ADAM19: variants seen among roughly 807,000 people sequenced by gnomAD.
ADAM19 encodes the protein disintegrin and metalloproteinase domain-containing protein 19.
Under a neutral mutation model 114.7 loss-of-function variants are expected in ADAM19, and 65 were observed. The observed-to-expected ratio is 0.57, with a 90% CI of 0.46 to 0.70. The LOEUF (loss-of-function observed/expected upper bound fraction) is 0.70, where lower values mean the gene tolerates loss of function less well. Among genes scored for constraint, ADAM19 ranks in the 30% least tolerant of loss-of-function variants. ADAM19 has a pLI of 0.00. For synonymous variants in ADAM19, 466 were observed against 460.5 expected (o/e 1.01, Z -0.15); for missense variants, 1,063 against 1,204.7 (o/e 0.88, Z 1.74).
intron 2 of ADAM19, among the ~76,000 whole-genome samples, chr5:157,564,699 C>T (rs542376488): frequency 1.8e-4 from 27 of 152,266 alleles, no homozygotes; most frequent in African/African-American, 6.5e-4. Flanking sequence ...GTATGTGGTG[C>T]GGTGAAGGGA....
intron 16 of ADAM19, 33 bp downstream of exon 16, chr5:157,492,940 C>G: frequency 6.2e-7 from 1 of 1,610,038 alleles, no homozygotes; most frequent in Non-Finnish European, 8.5e-7. Context: ...TGCTCTGCAG[C>G]TGGCTCCTAG....
chr5:157,484,556 G>A (rs1175244948), intron 21 of ADAM19, among the ~76,000 whole-genome samples: 1 of 152,168 alleles, frequency 6.6e-6, no homozygotes, highest in Non-Finnish European at 1.5e-5. Flanking sequence ...ACGTATTAAA[G>A]TGGACAAAAG....
At chr5:157,490,218 C>T (rs908938696) in intron 19 of ADAM19, 92 bp downstream of exon 19, 2 of 1,446,638 alleles carry the variant, frequency 1.4e-6, no homozygotes, top group South Asian at 1.2e-5. Context: ...TGAATTAGAC[C>T]CACTATCACC....
intron 3 of ADAM19, among the ~76,000 whole-genome samples, chr5:157,563,362 C>A (rs1015790712): frequency 6.6e-6 from 1 of 152,216 alleles, no homozygotes; most frequent in Non-Finnish European, 1.5e-5. Context: ...CTCGGGACAG[C>A]ACTCATCCTC....
At position 157,490,382 on chromosome 5, in the gene ADAM19, C is replaced by CT; in HGVS notation, c.2167_2168insA (p.Cys723Ter). 2 of 1,614,120 alleles carry CT rather than the reference C, an allele frequency of 1.2e-6. No individual in the cohort carries two copies. The highest frequency in any genetic ancestry group is 1.7e-6 in the Non-Finnish European group (2 of 1,180,028). Residue 723 changes from cysteine to a stop codon, truncating the protein, a stop_gained and frameshift_variant, in exon 19 of 23, where the codon TGC (cysteine) becomes TAGC (stop). Transcript: ENST00000257527. LOFTEE classifies it high-confidence loss of function. ...VLAVLMLMYYCCRQNNKLGQL... is the reference protein window; with the variant it reads ...VLAVLMLMYY ...GCCTAGTTTGTTGTTCTGTCTGCAG[C>CT]AGTAGTACATCAGCATGAGGACCGC... is the stretch of plus-strand genomic sequence containing the variant.
chr5:157,498,927 T>C (rs1013582286), intron 13 of ADAM19, among the ~76,000 whole-genome samples: 3 of 152,132 alleles, frequency 2.0e-5, no homozygotes, highest in Admixed American at 1.3e-4. Flanking sequence ...GTTTACATTT[T>C]TTTTCAGCTT....
At chr5:157,498,966 G>C (rs1197363576) in intron 13 of ADAM19, among the ~76,000 whole-genome samples, 1 of 151,960 alleles carries the variant, frequency 6.6e-6, no homozygotes, top group Non-Finnish European at 1.5e-5. Context: ...CAGAATTGTG[G>C]AAGAGAGATT....
In ADAM19 at chr5:157,480,513, C is replaced by T. The variant is rs1027079119; in HGVS notation, c.*436G>A. The T allele has an allele frequency of 7.9e-5, 79 of 999,932 alleles. No individual in the cohort carries two copies. In the Admixed American group the frequency reaches 1.3e-3, roughly 16 times the overall value. The allele number at this position is 999,932 out of a possible 1,614,324, so 61.9% of individuals were successfully genotyped here. A position where few individuals can be genotyped will look rare whatever the true frequency, so the allele number is the denominator to read the frequency against. ...GGTAAGTACCAGCCTCCATCCAGCC[C>T]GGGACCTCTGAGGAGAGCAGAAGCA... On this transcript the variant is annotated 3_prime_UTR_variant, in exon 23 of 23. Transcript: ENST00000257527.
intron 2 of ADAM19, among the ~76,000 whole-genome samples, chr5:157,565,123 G>C (rs1757622146): frequency 6.6e-6 from 1 of 152,170 alleles, no homozygotes; most frequent in Non-Finnish European, 1.5e-5. Context: ...CACATAAGCA[G>C]TTTGGTAGTG....
chr5:157,495,107 G>A (rs1755314149), intron 14 of ADAM19, among the ~76,000 whole-genome samples: 1 of 151,754 alleles, frequency 6.6e-6, no homozygotes, highest in African/African-American at 2.4e-5. Flanking sequence ...CTCTACCTCA[G>A]CCTCCCGAGT....
At position 157,488,813 on chromosome 5, in the gene ADAM19, C is replaced by T. The variant is rs11466799; in HGVS notation, c.2325+289G>A. On this transcript the variant is annotated intron_variant, in intron 20 of 22. Coordinates refer to ENST00000257527, the MANE Select transcript of ADAM19 (RefSeq NM_033274.5). ...TTGGGAGGCCGAGGCGGGTGGATCACGAGGTCAGGAGATGGAGACCATCCT... is the reference window on the plus strand; with the variant it reads ...TTGGGAGGCCGAGGCGGGTGGATCATGAGGTCAGGAGATGGAGACCATCCT... Among the ~76,000 whole-genome samples, 1,122 of 152,190 alleles carry T rather than the reference C, an allele frequency of 7.4e-3. 14 individuals carry two copies. The highest frequency in any genetic ancestry group is 0.025 in the African/African-American group (1,051 of 41,532).
chr5:157,489,150 A>T lies in ADAM19; in HGVS notation c.2277T>A (p.Gly759=), dbSNP rs1458560555. 1 of 1,614,136 alleles carries T rather than the reference A, an allele frequency of 6.2e-7. No homozygotes were observed. Among genetic ancestry groups the T allele is most frequent in the Admixed American group, 1.7e-5 (1 of 60,016 alleles). The part of the protein sequence containing the change: ...PFRVSQNSGT[G]HANPTFKLQT... Reference sequence around the variant, plus strand: ...GCAGCTTGAAAGTTGGGTTGGCATGACCAGTCCCGCTGTTCTGAGAAACCC... The same window carrying T: ...GCAGCTTGAAAGTTGGGTTGGCATGTCCAGTCCCGCTGTTCTGAGAAACCC... Residue 759 remains glycine (G), a synonymous_variant, in exon 20 of 23, where the codon GGT becomes GGA. Transcript: ENST00000257527.
chr5:157,557,829 C>T (rs775009357), intron 3 of ADAM19, among the ~76,000 whole-genome samples: 6 of 152,116 alleles, frequency 3.9e-5, no homozygotes, highest in Admixed American at 2.6e-4. Flanking sequence ...GAATCATATC[C>T]AAAAGGCCCC....
In ADAM19 at chr5:157,507,273, C is replaced by T. The variant is rs139340220; in HGVS notation, c.906-133G>A. ...CCCAGGTCATTCCCAAGGGGAGAGGCCCTTGTAACCAGGCCAACTGGACAA... is the reference window on the plus strand; with the variant it reads ...CCCAGGTCATTCCCAAGGGGAGAGGTCCTTGTAACCAGGCCAACTGGACAA... On this transcript the variant is annotated intron_variant, in intron 9 of 22. Coordinates refer to ENST00000257527, the MANE Select transcript of ADAM19 (RefSeq NM_033274.5). 8.9e-3 allele frequency: 6,981 copies of T among 784,660 alleles called. 36 individuals are homozygous for T. Among genetic ancestry groups the T allele is most frequent in the Non-Finnish European group, 0.012 (5,814 of 472,614 alleles). 48.6% of individuals were successfully genotyped at this position (784,660 alleles called of 1,614,324 possible). A position where few individuals can be genotyped will look rare whatever the true frequency, so the allele number is the denominator to read the frequency against.
At chr5:157,552,409 T>C (rs1416178436) in intron 3 of ADAM19, among the ~76,000 whole-genome samples, 2 of 151,912 alleles carry the variant, frequency 1.3e-5, no homozygotes, top group African/African-American at 4.8e-5. Flanking sequence ...CCTAGCACTT[T>C]GGGAGGCTGA....
chr5:157,520,701 G>A (rs1437059707), intron 5 of ADAM19, among the ~76,000 whole-genome samples: 2 of 152,222 alleles, frequency 1.3e-5, no homozygotes, highest in African/African-American at 4.8e-5. Flanking sequence ...TTGGAAACCA[G>A]AGCTAGATGC....
chr5:157,572,171 C>T (rs957162112), intron 1 of ADAM19: 14 of 357,834 alleles, frequency 3.9e-5, no homozygotes, highest in African/African-American at 1.7e-4. Flanking sequence ...CTGCAAGCTC[C>T]GCCTTCCGGG....
intron 3 of ADAM19, among the ~76,000 whole-genome samples, chr5:157,561,281 C>T (rs1236890606): frequency 1.3e-5 from 2 of 152,212 alleles, no homozygotes; most frequent in Non-Finnish European, 2.9e-5. Context: ...GTTCCCCCTC[C>T]TCTCCTGGCC....
At chr5:157,497,233 C>T in intron 13 of ADAM19, 144 bp from the exon 14 acceptor site, 1 of 657,970 alleles carries the variant, frequency 1.5e-6, no homozygotes, top group Non-Finnish European at 2.3e-6. Flanking sequence ...ACCTCATTAG[C>T]CCAAACCACC....
Sources: allele counts gnomAD v4.1 joint callset (sites outside exome capture counted in the v4.1 genomes callset), GRCh38; gene constraint gnomAD v4.1.1; transcripts MANE v1.5; gene names NCBI Gene and HGNC (gene_info 2026-07-23, HGNC 2026-07-21).